Variants in XPO4 observed in about 807,000 individuals in gnomAD.
The protein encoded by XPO4 is exportin-4.
XPO4 carries 39 observed loss-of-function variants against 143.0 expected under a neutral mutation model. The ratio of observed to expected loss-of-function variants is 0.27; its 90% CI spans 0.21 to 0.36. The LOEUF (loss-of-function observed/expected upper bound fraction) is 0.36. XPO4 is among the 10% of genes least tolerant of loss of function. The pLI is 1.00. For missense variants in XPO4, 907 were observed against 1,348.0 expected, an observed-to-expected ratio of 0.67 and a Z score of 5.12; for synonymous variants, 439 against 474.0, an observed-to-expected ratio of 0.93 and a Z score of 0.96.
At chr13:20,897,073 G>A (rs2060576512) in intron 1 of XPO4, among the ~76,000 whole-genome samples, 1 of 152,014 alleles carries the variant, frequency 6.6e-6, no homozygotes, top group Non-Finnish European at 1.5e-5. Flanking sequence ...GCTTTTTTGA[G>A]AAAAAGAATG....
intron 4 of XPO4, chr13:20,849,814 C>A (rs991537912): frequency 1.0e-6 from 1 of 985,058 alleles, no homozygotes; most frequent in African/African-American, 1.7e-5. Context: ...TTTAAAAATA[C>A]ACACAAATTG....
At chr13:20,849,682 A>G in intron 4 of XPO4, 1 of 984,480 alleles carries the variant, frequency 1.0e-6, no homozygotes, top group Non-Finnish European at 1.2e-6. Flanking sequence ...TTAACTAAGA[A>G]TACATCATTT....
At chr13:20,826,733 T>C (rs1022153909) in intron 7 of XPO4, among the ~76,000 whole-genome samples, 1 of 152,256 alleles carries the variant, frequency 6.6e-6, no homozygotes, top group Non-Finnish European at 1.5e-5. Context: ...CACATTATTT[T>C]GTAAAGTTTT....
rs368122828 is a variant in XPO4 at position 20,818,632 on chromosome 13, A to C, written c.1173+3072T>G. ...TTACAATTATAAAAATCATTTAAAAAATAATTTTAAAAAATTAGAATTATA... is the reference window on the plus strand; with the variant it reads ...TTACAATTATAAAAATCATTTAAAACATAATTTTAAAAAATTAGAATTATA... On this transcript the variant is annotated intron_variant, in intron 9 of 22. Transcript: ENST00000255305. Among the ~76,000 whole-genome samples the C allele has an allele frequency of 5.9e-5, 9 of 152,366 alleles. No homozygotes were observed. The South Asian group carries it at 1.9e-3, about 32-fold the overall frequency.
intron 22 of XPO4, among the ~76,000 whole-genome samples, chr13:20,786,330 T>C (rs2059206687): frequency 6.7e-6 from 1 of 150,356 alleles, no homozygotes; most frequent in Non-Finnish European, 1.5e-5. Context: ...TATATATATG[T>C]ACCTTACATA....
intron 9 of XPO4, among the ~76,000 whole-genome samples, chr13:20,814,457 T>C (rs2059624144): frequency 2.0e-5 from 3 of 152,252 alleles, no homozygotes; most frequent in Admixed American, 2.0e-4. Context: ...GACTATGGAC[T>C]TCTAAACAGC....
intron 6 of XPO4, among the ~76,000 whole-genome samples, chr13:20,842,083 T>G (rs1370261402): frequency 6.6e-6 from 1 of 152,182 alleles, no homozygotes; most frequent in East Asian, 1.9e-4. Flanking sequence ...ATGTATTGTT[T>G]CATTTAATTC....
At chr13:20,888,166 A>G (rs1449949018) in intron 1 of XPO4, among the ~76,000 whole-genome samples, 2 of 124,392 alleles carry the variant, frequency 1.6e-5, no homozygotes, top group Non-Finnish European at 3.4e-5. Flanking sequence ...CAAGAGCAAA[A>G]CTCCATCTCA....
At chr13:20,801,389 G>A (rs891520172) in intron 13 of XPO4, among the ~76,000 whole-genome samples, 1 of 152,104 alleles carries the variant, frequency 6.6e-6, no homozygotes. Flanking sequence ...AAACTACCCT[G>A]GTTAGTATAG....
chr13:20,875,408 CTACCCTTTCAAATTTGAAAGA>C (rs2060341503), intron 1 of XPO4, among the ~76,000 whole-genome samples: 1 of 152,162 alleles, frequency 6.6e-6, no homozygotes, highest in Non-Finnish European at 1.5e-5. Context: ...CCTAGCAAAG[CTACCCTTTCAAATTTGAAAGA>C]TGTCCTTTCA....
rs756757033 is a variant in XPO4 at position 20,787,487 on chromosome 13, A to G, written c.3159T>C (p.Phe1053=). 3 of 1,614,080 alleles carry G rather than the reference A, an allele frequency of 1.9e-6. No homozygotes were observed. The highest frequency in any genetic ancestry group is 2.2e-5 in the East Asian group (1 of 44,892). ...DSPLFLATRH[F]LKLVFDMLVL... ...TACCGCACAGACATCTTACCTTAAG[A>G]AAGTGCCGTGTTGCTAGAAAAAGTG... Residue 1053 remains phenylalanine, a synonymous_variant, in exon 21 of 23, where the codon TTT becomes TTC. Transcript: ENST00000255305.
chr13:20,794,161 G>A (rs955902476), intron 18 of XPO4, among the ~76,000 whole-genome samples: 1 of 152,106 alleles, frequency 6.6e-6, no homozygotes, highest in African/African-American at 2.4e-5. Flanking sequence ...GGGATCTACT[G>A]TAGTACTTAA....
chr13:20,806,539 CTTTTTTTTTTTTTTTTTTTTT>C (rs3056347), intron 13 of XPO4, among the ~76,000 whole-genome samples: 1 of 61,596 alleles, frequency 1.6e-5, no homozygotes, highest in African/African-American at 6.8e-5. Context: ...TTTCAGGACC[CTTTTTTTTTTTTTTTTTTTTT>C]TTTTTTTTTT....
chr13:20,896,021 G>A (rs1287785731), intron 1 of XPO4, among the ~76,000 whole-genome samples: 1 of 152,170 alleles, frequency 6.6e-6, no homozygotes, highest in African/African-American at 2.4e-5. Context: ...CTGGGGGTCA[G>A]CTATATATTG....
chr13:20,795,489 T>C (rs1198563845), intron 18 of XPO4, among the ~76,000 whole-genome samples: 1 of 152,214 alleles, frequency 6.6e-6, no homozygotes, highest in Non-Finnish European at 1.5e-5. Flanking sequence ...GGTAGGCTAA[T>C]CAACTCCCCT....
intron 13 of XPO4, among the ~76,000 whole-genome samples, chr13:20,805,798 C>T (rs1428930156): frequency 6.6e-6 from 1 of 152,152 alleles, no homozygotes; most frequent in Non-Finnish European, 1.5e-5. Flanking sequence ...TGTCAGCAGT[C>T]AATAATTATT....
intron 2 of XPO4, among the ~76,000 whole-genome samples, chr13:20,866,723 C>CT (rs1265098930): frequency 6.6e-6 from 1 of 152,176 alleles, no homozygotes; most frequent in Non-Finnish European, 1.5e-5. Context: ...ACTAGCAATA[C>CT]TACTCTTTAG....
At chr13:20,838,602 T>C (rs1595116987) in intron 6 of XPO4, among the ~76,000 whole-genome samples, 1 of 101,262 alleles carries the variant, frequency 9.9e-6, no homozygotes, top group Admixed American at 1.1e-4. Context: ...ACAGCAAGAC[T>C]CCATCTCAAA....
intron 1 of XPO4, among the ~76,000 whole-genome samples, chr13:20,879,668 T>C (rs1258147340): frequency 6.6e-6 from 1 of 152,130 alleles, no homozygotes; most frequent in Non-Finnish European, 1.5e-5. Context: ...TTGGAAATGT[T>C]AGAAACAGAA....
Sources: gnomAD v4.1 joint callset for allele counts (sites outside exome capture counted in the v4.1 genomes callset) on GRCh38, gnomAD v4.1.1 for gene constraint, MANE v1.5 for transcripts, NCBI Gene and HGNC (gene_info 2026-07-23, HGNC 2026-07-21) for gene names.